The following LSAMP variants were observed in gnomAD, a reference collection of about 807,000 sequenced individuals.
The protein encoded by LSAMP is limbic system associated membrane protein, also known as limbic system-associated membrane protein.
A neutral mutation model predicts 38.6 loss-of-function variants in LSAMP; 7 were observed. The ratio of observed to expected loss-of-function variants is 0.18; its 90% CI spans 0.10 to 0.34. The LOEUF is 0.34. Ranked by LOEUF, LSAMP falls within the 10% of genes least tolerant of loss-of-function variation. The pLI is 1.00. For synonymous variants in LSAMP, 154 were observed against 166.8 expected (o/e 0.92, Z 0.59); for missense variants, 313 against 420.0 (o/e 0.75, Z 2.23).
intron 1 of LSAMP, among the ~76,000 whole-genome samples, chr3:116,331,840 C>T (rs556501082): frequency 6.6e-6 from 1 of 151,944 alleles, no homozygotes; most frequent in African/African-American, 2.4e-5. Context: ...TCTTTCTTTT[C>T]TTTTCTTTTC....
chr3:115,990,207 A>G (rs1939627885), intron 3 of LSAMP, among the ~76,000 whole-genome samples: 1 of 152,010 alleles, frequency 6.6e-6, no homozygotes, highest in African/African-American at 2.4e-5. Flanking sequence ...CCTGCACTTG[A>G]GTCTTATTTG....
At chr3:116,004,535 T>TAC (rs796455910) in intron 3 of LSAMP, among the ~76,000 whole-genome samples, 107 of 149,198 alleles carry the variant, frequency 7.2e-4, no homozygotes, top group Non-Finnish European at 8.8e-4. Flanking sequence ...TATATATATA[T>TAC]ACACACACAC....
chr3:116,336,000 C>A (rs902315850), intron 1 of LSAMP, among the ~76,000 whole-genome samples: 8 of 151,956 alleles, frequency 5.3e-5, no homozygotes, highest in African/African-American at 1.9e-4. Context: ...CTGTCAAGAC[C>A]ATGCAATGGG....
At chr3:115,884,174 A>T (rs888186498) in intron 3 of LSAMP, among the ~76,000 whole-genome samples, 2 of 152,082 alleles carry the variant, frequency 1.3e-5, no homozygotes, top group African/African-American at 4.8e-5. Context: ...AGCTCTATGT[A>T]TATATAAAAG....
intron 3 of LSAMP, among the ~76,000 whole-genome samples, chr3:115,935,002 TAAAG>T (rs1937649676): frequency 6.8e-6 from 1 of 147,540 alleles, no homozygotes; most frequent in Non-Finnish European, 1.5e-5. Flanking sequence ...TATTGGGAAA[TAAAG>T]GAAGGGCATG....
intron 1 of LSAMP, among the ~76,000 whole-genome samples, chr3:116,366,185 AT>A (rs888552231): frequency 1.3e-5 from 2 of 151,974 alleles, no homozygotes; most frequent in African/African-American, 2.4e-5. Flanking sequence ...GAAAAAAAAA[AT>A]CTCATTCAAA....
At chr3:116,273,133 C>G (rs572782792) in intron 1 of LSAMP, among the ~76,000 whole-genome samples, 2 of 152,074 alleles carry the variant, frequency 1.3e-5, no homozygotes, top group Non-Finnish European at 2.9e-5. Context: ...ATCTGTATAT[C>G]AAATGTGAGT....
chr3:115,890,771 A>G (rs1245931716), intron 3 of LSAMP, among the ~76,000 whole-genome samples: 1 of 151,862 alleles, frequency 6.6e-6, no homozygotes, highest in Non-Finnish European at 1.5e-5. Flanking sequence ...AGGTGCTTCT[A>G]TGTGAAAAGA....
intron 2 of LSAMP, among the ~76,000 whole-genome samples, chr3:116,031,674 C>T (rs1319017963): frequency 6.9e-6 from 1 of 144,142 alleles, no homozygotes; most frequent in Non-Finnish European, 1.5e-5. Context: ...TAAAGCATGC[C>T]TAGAATACAA....
chr3:115,842,539 G>T lies in LSAMP; in HGVS notation c.689C>A (p.Thr230Asn). 6.2e-7 allele frequency: 1 copy of T among 1,613,886 alleles called. No homozygotes were observed. Among genetic ancestry groups the T allele is most frequent in the Non-Finnish European group, 8.5e-7 (1 of 1,179,844 alleles). ...TTTGAGTGAAGCTTGTCGTCCTGTG[G>T]TGGCTTCATTGCTCTTGGATTCTGT... ...TITESKSNEA[T>N]TGRQASLKCE... The change falls in exon 5 of 7, where the codon ACC (threonine) becomes AAC (asparagine). Residue 230 changes from threonine to asparagine, a missense_variant. Physicochemically the swap from Thr to Asn is moderately conservative, Grantham distance 65. Transcript: ENST00000490035.
At chr3:115,977,052 A>G (rs1939209843) in intron 3 of LSAMP, among the ~76,000 whole-genome samples, 1 of 152,190 alleles carries the variant, frequency 6.6e-6, no homozygotes, top group Non-Finnish European at 1.5e-5. Context: ...ATTGAGCGGA[A>G]GAAATGAAAT....
chr3:115,817,074 C>T (rs954927131), intron 6 of LSAMP, among the ~76,000 whole-genome samples: 2 of 152,220 alleles, frequency 1.3e-5, no homozygotes, highest in Admixed American at 6.5e-5. Flanking sequence ...CAGATCAAGT[C>T]TATTCCAACT....
chr3:116,018,190 T>C (rs1940539690), intron 3 of LSAMP, among the ~76,000 whole-genome samples: 1 of 152,134 alleles, frequency 6.6e-6, no homozygotes, highest in Non-Finnish European at 1.5e-5. Context: ...AGGATGGGTT[T>C]TGAGTGACAC....
At chr3:115,887,656 A>G (rs1936489968) in intron 3 of LSAMP, among the ~76,000 whole-genome samples, 1 of 151,952 alleles carries the variant, frequency 6.6e-6, no homozygotes, top group African/African-American at 2.4e-5. Flanking sequence ...CGTTTTTCAG[A>G]GCCACAGGCA....
intron 3 of LSAMP, among the ~76,000 whole-genome samples, chr3:115,939,374 A>G (rs1400420221): frequency 6.6e-6 from 1 of 152,154 alleles, no homozygotes; most frequent in African/African-American, 2.4e-5. Flanking sequence ...GGCAGCCTAA[A>G]GGGTAATAGT....
chr3:116,038,412 TG>T (rs1272619141), intron 2 of LSAMP, among the ~76,000 whole-genome samples: 1 of 152,150 alleles, frequency 6.6e-6, no homozygotes, highest in Non-Finnish European at 1.5e-5. Context: ...AATGTATCAG[TG>T]AAGGCCAGAG....
chr3:115,826,100 CTTTTATTTTTAT>C (rs147152802), intron 6 of LSAMP, among the ~76,000 whole-genome samples: 79 of 149,132 alleles, frequency 5.3e-4, no homozygotes, highest in South Asian at 1.9e-3. Context: ...CTCTTTCTGT[CTTTTATTTTTAT>C]TTTTATTTTT....
At chr3:116,117,502 A>G (rs1324949069) in intron 1 of LSAMP, among the ~76,000 whole-genome samples, 1 of 152,214 alleles carries the variant, frequency 6.6e-6, no homozygotes, top group Non-Finnish European at 1.5e-5. Context: ...CGTATTAAGT[A>G]ACATTCATAC....
intron 1 of LSAMP, among the ~76,000 whole-genome samples, chr3:116,237,271 C>A (rs1330862669): frequency 6.6e-6 from 1 of 152,102 alleles, no homozygotes; most frequent in Non-Finnish European, 1.5e-5. Context: ...TACTGTGTTC[C>A]TTTTATTGTA....
Sources: gnomAD v4.1 joint callset for allele counts (sites outside exome capture counted in the v4.1 genomes callset) on GRCh38, gnomAD v4.1.1 for gene constraint, MANE v1.5 for transcripts, NCBI Gene and HGNC (gene_info 2026-07-23, HGNC 2026-07-21) for gene names.